RNF17: variants seen among roughly 807,000 people sequenced by gnomAD.
The protein encoded by RNF17 is ring finger protein 17, also known as spermatogenesis associated 23.
In RNF17, 31 loss-of-function variants were observed where a neutral mutation model predicts 200.5. That is an observed-to-expected ratio of 0.15 (90% CI 0.12 to 0.21). RNF17 has a LOEUF of 0.21. Ranked by LOEUF, RNF17 falls within the 10% of genes least tolerant of loss-of-function variation. RNF17 has a pLI of 1.00. For missense variants in RNF17, 1,628 were observed against 1,905.1 expected, an observed-to-expected ratio of 0.85 and a Z score of 2.71; for synonymous variants, 606 against 637.8, an observed-to-expected ratio of 0.95 and a Z score of 0.75.
intron 5 of RNF17, among the ~76,000 whole-genome samples, chr13:24,780,464 C>T (rs1882194886): frequency 6.6e-6 from 1 of 152,118 alleles, no homozygotes; most frequent in South Asian, 2.1e-4. Context: ...GGGACACAAT[C>T]CAACTAAAAA....
chr13:24,854,189 C>G, intron 25 of RNF17, 45 bp downstream of exon 25: 1 of 1,429,408 alleles, frequency 7.0e-7, no homozygotes, highest in Non-Finnish European at 9.6e-7. Context: ...CTAGTACGAA[C>G]GACAGGGATT....
At chr13:24,802,782 G>A (rs1345119) in intron 14 of RNF17, among the ~76,000 whole-genome samples, 6 of 152,300 alleles carry the variant, frequency 3.9e-5, no homozygotes, top group South Asian at 2.1e-4. Context: ...TGGGCAGGGC[G>A]TCTCACAACT....
intron 24 of RNF17, among the ~76,000 whole-genome samples, chr13:24,853,381 G>A (rs754680009): frequency 5.9e-5 from 9 of 151,914 alleles, no homozygotes; most frequent in Admixed American, 1.3e-4. Flanking sequence ...GAAAAACTGA[G>A]TAAATATAGC....
At chr13:24,806,246 C>G (rs1199278111) in intron 15 of RNF17, among the ~76,000 whole-genome samples, 1 of 152,162 alleles carries the variant, frequency 6.6e-6, no homozygotes, top group African/African-American at 2.4e-5. Flanking sequence ...GCCATATTTT[C>G]TTTATCCAGT....
chr13:24,877,332 A>T, intron 34 of RNF17, 146 bp downstream of exon 34: 1 of 589,736 alleles, frequency 1.7e-6, no homozygotes, highest in East Asian at 3.3e-5. Flanking sequence ...GTATAGCTTT[A>T]TATATACATA....
chr13:24,820,121 CT>C (rs200683421), intron 15 of RNF17, among the ~76,000 whole-genome samples: 1,144 of 113,260 alleles, frequency 0.01, 7 homozygotes, highest in African/African-American at 0.028. Context: ...TTTCTTTTTT[CT>C]TTTTTTTTTT....
intron 6 of RNF17, among the ~76,000 whole-genome samples, chr13:24,785,890 A>G (rs955939323): frequency 2.6e-5 from 4 of 151,978 alleles, no homozygotes; most frequent in African/African-American, 9.7e-5. Flanking sequence ...CCATCCTTTC[A>G]TTTTCAACCT....
chr13:24,850,886 G>A (rs149504308), intron 23 of RNF17, among the ~76,000 whole-genome samples: 312 of 152,236 alleles, frequency 2.0e-3, no homozygotes, highest in South Asian at 6.6e-3. Context: ...TCCCCATTCT[G>A]TGACTGGAAA....
chr13:24,825,935 A>G (rs957080502), intron 16 of RNF17, 163 bp downstream of exon 16: 1 of 982,490 alleles, frequency 1.0e-6, no homozygotes, highest in Non-Finnish European at 1.2e-6. Flanking sequence ...AGGTGAATCT[A>G]TCTTCTGATA....
intron 18 of RNF17, among the ~76,000 whole-genome samples, chr13:24,833,593 GTTTC>G (rs1046216121): frequency 6.6e-6 from 1 of 152,152 alleles, no homozygotes; most frequent in Non-Finnish European, 1.5e-5. Flanking sequence ...GATTTCTTGG[GTTTC>G]TTTCTTGATT....
chr13:24,780,049 G>C (rs1882131898), intron 5 of RNF17, among the ~76,000 whole-genome samples: 1 of 152,134 alleles, frequency 6.6e-6, no homozygotes, highest in Non-Finnish European at 1.5e-5. Flanking sequence ...TTGTTTGGCT[G>C]TATCCCCCTT....
At chr13:24,850,049 T>A (rs9511475) in intron 22 of RNF17, among the ~76,000 whole-genome samples, 35,093 of 152,110 alleles carry the variant, frequency 0.23, 4,518 homozygotes, top group Non-Finnish European at 0.29. Flanking sequence ...ACTTAAAAAG[T>A]ATTTAAAATA....
chr13:24,749,302 TC>T, the RNF17 span, among the ~76,000 whole-genome samples: 1 of 52,854 alleles, frequency 1.9e-5, no homozygotes, highest in African/African-American at 6.0e-5. Context: ...TTTCTTTCTT[TC>T]TTTCTTTTTT....
the RNF17 span, chr13:24,886,057 T>TATAA: frequency 3.1e-4 from 114 of 364,030 alleles, no homozygotes; most frequent in Non-Finnish European, 5.3e-4. Context: ...GTGGCTATGG[T>TATAA]ATAAACTTTT....
chr13:24,796,104 G>A, intron 10 of RNF17, 33 bp from the exon 11 acceptor site: 1 of 1,512,462 alleles, frequency 6.6e-7, no homozygotes, highest in East Asian at 2.3e-5. Flanking sequence ...CTAACTCATG[G>A]TTTATTAATG....
chr13:24,824,181 T>C, intron 15 of RNF17: 3 of 711,978 alleles, frequency 4.2e-6, no homozygotes, highest in South Asian at 3.0e-5. Flanking sequence ...CTGTAAACTT[T>C]GGATTGCTTT....
downstream of RNF17, chr13:24,884,121 G>A: frequency 1.3e-6 from 2 of 1,593,920 alleles, no homozygotes; most frequent in Non-Finnish European, 1.7e-6. Flanking sequence ...TTTTTTGAAG[G>A]AAGGGAAGAA....
rs750365086 is a variant in RNF17, at chr13:24,877,096, A to G, written c.4683A>G (p.Thr1561=). 2 of 1,613,544 alleles carry G rather than the reference A, an allele frequency of 1.2e-6. No homozygotes were observed. Among genetic ancestry groups the G allele is most frequent in the African/African-American group, 2.7e-5 (2 of 74,870 alleles). ...CTCCCTTAAGGGATCTAGGGGAGAC[A>G]AGAATACCATATTGTCCCAAATGGA... The part of the protein sequence containing the change: ...FKPPLRDLGE[T]RIPYCPKWSM... The change falls in exon 34 of 36, where the codon ACA becomes ACG. Residue 1561 remains threonine (T), a synonymous_variant. Coordinates refer to ENST00000255324, the MANE Select transcript of RNF17 (RefSeq NM_031277.3).
At chr13:24,791,060 A>G (rs1050845354) in intron 9 of RNF17, among the ~76,000 whole-genome samples, 10 of 152,222 alleles carry the variant, frequency 6.6e-5, no homozygotes, top group Non-Finnish European at 1.3e-4. Context: ...GTTGTACAGT[A>G]TAGTTCTAGG....
Sources: gnomAD v4.1 joint callset for allele counts (sites outside exome capture counted in the v4.1 genomes callset) on GRCh38, gnomAD v4.1.1 for gene constraint, MANE v1.5 for transcripts, NCBI Gene and HGNC (gene_info 2026-07-23, HGNC 2026-07-21) for gene names.